GLIS3: variants seen among roughly 807,000 people sequenced by gnomAD.
The protein encoded by GLIS3 is GLIS family zinc finger 3, also known as zinc finger protein GLIS3.
Under a neutral mutation model 78.6 loss-of-function variants are expected in GLIS3, and 53 were observed. The ratio of observed to expected loss-of-function variants is 0.67; its 90% CI spans 0.54 to 0.85. GLIS3 has a LOEUF of 0.85. Among genes scored for constraint, GLIS3 ranks in the 40% least tolerant of loss-of-function variants. The probability of loss-of-function intolerance (pLI) is 0.00; values close to 1 mark genes in which losing one functional copy is unlikely to be tolerated. For synonymous variants in GLIS3, 684 were observed against 509.9 expected, an observed-to-expected ratio of 1.34 and a Z score of -4.60; for missense variants, 1,703 against 1,231.1, an observed-to-expected ratio of 1.38 and a Z score of -5.74.
intron 3 of GLIS3, among the ~76,000 whole-genome samples, chr9:4,119,586 G>A (rs1457720594): frequency 6.6e-6 from 1 of 152,132 alleles, no homozygotes; most frequent in Non-Finnish European, 1.5e-5. Flanking sequence ...AGTCATATCT[G>A]GAATTATGCA....
intron 8 of GLIS3, among the ~76,000 whole-genome samples, chr9:3,870,906 C>G (rs1245729828): frequency 1.3e-5 from 2 of 152,206 alleles, no homozygotes; most frequent in African/African-American, 4.8e-5. Flanking sequence ...ACTCAAAAGT[C>G]CACCGTCCAA....
chr9:4,451,304 C>T, the GLIS3 span, among the ~76,000 whole-genome samples: 1 of 152,096 alleles, frequency 6.6e-6, no homozygotes, highest in East Asian at 1.9e-4. Flanking sequence ...GCTAACTGTC[C>T]TAAATATATA....
At chr9:4,395,341 G>A in the GLIS3 span, among the ~76,000 whole-genome samples, 4 of 152,220 alleles carry the variant, frequency 2.6e-5, no homozygotes. Flanking sequence ...TTGTTGAGGC[G>A]CTGACATGAT....
chr9:4,374,685 G>T, the GLIS3 span, among the ~76,000 whole-genome samples: 1 of 152,218 alleles, frequency 6.6e-6, no homozygotes, highest in African/African-American at 2.4e-5. Flanking sequence ...TAAGTTGGCA[G>T]CAAAGCCCTC....
At chr9:4,031,425 C>T (rs938427894) in intron 4 of GLIS3, among the ~76,000 whole-genome samples, 5 of 152,048 alleles carry the variant, frequency 3.3e-5, no homozygotes, top group African/African-American at 9.7e-5. Flanking sequence ...TGTGAAATGC[C>T]CAGATTATGC....
chr9:3,959,926 C>T (rs950328863), intron 4 of GLIS3, among the ~76,000 whole-genome samples: 6 of 152,100 alleles, frequency 3.9e-5, no homozygotes, highest in Non-Finnish European at 7.4e-5. Context: ...CCGAGGCAGG[C>T]GGACCACCTG....
At chr9:4,307,686 A>T (rs1204446055) in intron 4 of GLIS3, among the ~76,000 whole-genome samples, 1 of 152,206 alleles carries the variant, frequency 6.6e-6, no homozygotes, top group Non-Finnish European at 1.5e-5. Flanking sequence ...GGACTGTGGA[A>T]GTGAGCCCTG....
At chr9:4,283,098 TACACACAC>T (rs5896058) in intron 2 of GLIS3, among the ~76,000 whole-genome samples, 4 of 149,034 alleles carry the variant, frequency 2.7e-5, no homozygotes, top group East Asian at 2.0e-4. Context: ...CACAAACACA[TACACACAC>T]ACACACACAC....
At chr9:4,343,266 C>G (rs1458127204) in intron 2 of GLIS3, among the ~76,000 whole-genome samples, 1 of 152,138 alleles carries the variant, frequency 6.6e-6, no homozygotes, top group Non-Finnish European at 1.5e-5. Context: ...TGCTTGAGCC[C>G]AGGAGTTCGA....
At chr9:4,443,789 G>A in the GLIS3 span, among the ~76,000 whole-genome samples, 1 of 152,200 alleles carries the variant, frequency 6.6e-6, no homozygotes, top group Non-Finnish European at 1.5e-5. Flanking sequence ...GATTGCCCCA[G>A]GAACCTAGAA....
At chr9:4,398,689 T>G in the GLIS3 span, among the ~76,000 whole-genome samples, 1 of 151,970 alleles carries the variant, frequency 6.6e-6, no homozygotes, top group Non-Finnish European at 1.5e-5. Context: ...CTTTTGTTGT[T>G]GTTGTTGTAT....
At chr9:4,371,643 C>T in the GLIS3 span, among the ~76,000 whole-genome samples, 1 of 152,154 alleles carries the variant, frequency 6.6e-6, no homozygotes, top group Non-Finnish European at 1.5e-5. Flanking sequence ...CCACTACAAC[C>T]TTTCAACTGG....
chr9:4,453,358 A>AAG, the GLIS3 span, among the ~76,000 whole-genome samples: 24 of 149,152 alleles, frequency 1.6e-4, no homozygotes, highest in East Asian at 2.9e-3. Context: ...AAAAAAAAAA[A>AAG]AAAAAAGAAA....
intron 4 of GLIS3, among the ~76,000 whole-genome samples, chr9:4,060,172 G>A (rs1295366452): frequency 1.3e-5 from 2 of 152,096 alleles, no homozygotes; most frequent in African/African-American, 2.4e-5. Context: ...AGCCTACCCT[G>A]AAACTCTCAG....
At chr9:3,842,992 T>C (rs1469925707) in intron 9 of GLIS3, among the ~76,000 whole-genome samples, 1 of 152,164 alleles carries the variant, frequency 6.6e-6, no homozygotes, top group East Asian at 1.9e-4. Flanking sequence ...AATTACACTC[T>C]CAGTAGATAT....
intron 2 of GLIS3, among the ~76,000 whole-genome samples, chr9:4,318,781 A>T (rs1401660626): frequency 6.6e-6 from 1 of 152,220 alleles, no homozygotes; most frequent in Non-Finnish European, 1.5e-5. Context: ...AAAAGATGCT[A>T]AAACTATTAG....
At chr9:4,328,871 T>G (rs1196720627) in intron 2 of GLIS3, among the ~76,000 whole-genome samples, 1 of 152,220 alleles carries the variant, frequency 6.6e-6, no homozygotes, top group Admixed American at 6.5e-5. Flanking sequence ...CTGTTATTAC[T>G]ATTAGAAGAG....
At chr9:3,964,686 C>T (rs747502596) in intron 4 of GLIS3, among the ~76,000 whole-genome samples, 2 of 152,150 alleles carry the variant, frequency 1.3e-5, no homozygotes, top group Non-Finnish European at 2.9e-5. Flanking sequence ...AAGAGTAAGA[C>T]ACAGGGACAG....
At chr9:4,268,426 G>A (rs1826209177) in intron 2 of GLIS3, among the ~76,000 whole-genome samples, 1 of 152,034 alleles carries the variant, frequency 6.6e-6, no homozygotes, top group African/African-American at 2.4e-5. Flanking sequence ...TGAAAAGGAG[G>A]TCATGGTCTT....
Sources: allele counts gnomAD v4.1 joint callset (sites outside exome capture counted in the v4.1 genomes callset), GRCh38; gene constraint gnomAD v4.1.1; transcripts MANE v1.5; gene names NCBI Gene and HGNC (gene_info 2026-07-23, HGNC 2026-07-21).